Variants in CAMK2D observed in about 807,000 individuals in gnomAD.
CAMK2D encodes calcium/calmodulin dependent protein kinase II delta, also known as calcium/calmodulin-dependent protein kinase type II subunit delta.
CAMK2D carries 37 observed loss-of-function variants against 84.0 expected under a neutral mutation model. The ratio of observed to expected loss-of-function variants is 0.44; its 90% CI spans 0.34 to 0.58. The LOEUF (loss-of-function observed/expected upper bound fraction) is 0.58, where lower values mean the gene tolerates loss of function less well. CAMK2D is among the 20% of genes least tolerant of loss of function. The probability of loss-of-function intolerance (pLI) is 0.02; values close to 1 mark genes in which losing one functional copy is unlikely to be tolerated. For missense variants in CAMK2D, 448 were observed against 652.5 expected, an observed-to-expected ratio of 0.69 and a Z score of 3.41; for synonymous variants, 202 against 212.5, an observed-to-expected ratio of 0.95 and a Z score of 0.43.
chr4:113,507,695 G>A (rs992406542), intron 13 of CAMK2D, among the ~76,000 whole-genome samples: 1 of 152,048 alleles, frequency 6.6e-6, no homozygotes, highest in African/African-American at 2.4e-5. Context: ...ATAATTGTAT[G>A]ATGCACTGAA....
chr4:113,738,160 A>T (rs1236219262), intron 2 of CAMK2D, among the ~76,000 whole-genome samples: 1 of 151,994 alleles, frequency 6.6e-6, no homozygotes, highest in East Asian at 1.9e-4. Context: ...CAGCTTTTAT[A>T]CAGCACAACC....
chr4:113,682,456 T>C lies in CAMK2D; in HGVS notation c.161-20684A>G, dbSNP rs186835772. ...AGAATATTATCATTCACCATTTTTA[T>C]GCATTTCCAAAATTTATAATGAGGA... On this transcript the variant is annotated intron_variant, in intron 2 of 20. Coordinates refer to ENST00000511664, the MANE Select transcript of CAMK2D (RefSeq NM_001321571.2). Among the ~76,000 whole-genome samples, 765 of 152,220 alleles carry C rather than the reference T, an allele frequency of 5.0e-3. 14 individuals are homozygous for C. The highest frequency in any genetic ancestry group is 0.018 in the African/African-American group (738 of 41,580).
At chr4:113,689,018 G>A (rs2099372233) in intron 2 of CAMK2D, among the ~76,000 whole-genome samples, 1 of 151,672 alleles carries the variant, frequency 6.6e-6, no homozygotes, top group East Asian at 1.9e-4. Flanking sequence ...GCCAAGGCGG[G>A]CAGATCACGA....
intron 13 of CAMK2D, among the ~76,000 whole-genome samples, chr4:113,509,186 A>G (rs563989518): frequency 6.6e-6 from 1 of 152,340 alleles, no homozygotes; most frequent in East Asian, 1.9e-4. Flanking sequence ...AAAACTGCCC[A>G]AGCAGATTAA....
At chr4:113,710,948 T>C (rs577330272) in intron 2 of CAMK2D, among the ~76,000 whole-genome samples, 1 of 152,254 alleles carries the variant, frequency 6.6e-6, no homozygotes, top group Non-Finnish European at 1.5e-5. Context: ...GAATGTGTTC[T>C]ACATAATAAA....
intron 2 of CAMK2D, among the ~76,000 whole-genome samples, chr4:113,729,263 GATC>G (rs1000591272): frequency 1.3e-5 from 2 of 151,956 alleles, no homozygotes; most frequent in African/African-American, 4.8e-5. Flanking sequence ...ACATAATTTT[GATC>G]ATGTTATGCC....
chr4:113,484,365 C>T (rs950503559), intron 16 of CAMK2D, among the ~76,000 whole-genome samples: 2 of 152,104 alleles, frequency 1.3e-5, no homozygotes, highest in African/African-American at 4.8e-5. Flanking sequence ...TAATTCCTGT[C>T]AAAGTGCTTG....
chr4:113,696,327 G>A (rs1159166984), intron 2 of CAMK2D, among the ~76,000 whole-genome samples: 1 of 151,886 alleles, frequency 6.6e-6, no homozygotes, highest in African/African-American at 2.4e-5. Context: ...GGACTGAAAT[G>A]TAAGCTCCAT....
At chr4:113,696,458 A>G (rs1426275692) in intron 2 of CAMK2D, among the ~76,000 whole-genome samples, 1 of 152,098 alleles carries the variant, frequency 6.6e-6, no homozygotes, top group Non-Finnish European at 1.5e-5. Flanking sequence ...TTAAGAAGCA[A>G]GAGAGATGAA....
At position 113,759,324 on chromosome 4, in the gene CAMK2D, A is replaced by G; in HGVS notation, c.156T>C (p.Ala52=). Residue 52 remains alanine (A), a synonymous_variant, in exon 2 of 21, where the codon GCT becomes GCC. Coordinates refer to ENST00000511664, the MANE Select transcript of CAMK2D (RefSeq NM_001321571.2). ...AKIINTKKLS[A]RDHQKLEREA... ...TATGTGGTTGAAAATACCCACCCCTAGCAGAAAGCTTTTTGGTGTTGATAA... is the reference window on the plus strand; with the variant it reads ...TATGTGGTTGAAAATACCCACCCCTGGCAGAAAGCTTTTTGGTGTTGATAA... 6.2e-7 allele frequency: 1 copy of G among 1,603,432 alleles called. No individual in the cohort carries two copies. The highest frequency in any genetic ancestry group is 8.5e-7 in the Non-Finnish European group (1 of 1,172,648).
chr4:113,482,587 T>C (rs919316462), intron 16 of CAMK2D, among the ~76,000 whole-genome samples: 1 of 152,124 alleles, frequency 6.6e-6, no homozygotes, highest in African/African-American at 2.4e-5. Context: ...GAAAGAGAAA[T>C]GTTCTTTGGA....
chr4:113,599,853 C>G (rs979506594), intron 4 of CAMK2D, among the ~76,000 whole-genome samples: 3 of 152,146 alleles, frequency 2.0e-5, no homozygotes, highest in Non-Finnish European at 2.9e-5. Flanking sequence ...TTATCCTCAT[C>G]ATCTTCACAT....
rs774914412 is a variant in CAMK2D, at chr4:113,495,547, CCA to C, written c.1135+4914_1135+4915del. Among the ~76,000 whole-genome samples the C allele has an allele frequency of 8.2e-4, 125 of 152,072 alleles. 1 individual carries two copies. The highest frequency in any genetic ancestry group is 1.2e-3 in the Non-Finnish European group (82 of 67,990). On this transcript the variant is annotated intron_variant, in intron 16 of 20. Coordinates refer to ENST00000511664, the MANE Select transcript of CAMK2D (RefSeq NM_001321571.2). ...ACTAATGTACATATTTATAGAAGAC[CCA>C]CACAGAGAGCTCATTAATCAAGTGA... is the stretch of plus-strand genomic sequence containing the variant.
chr4:113,759,306 T>A lies in CAMK2D; in HGVS notation c.160+14A>T. 6.4e-7 allele frequency: 1 copy of A among 1,554,966 alleles called. No individual in the cohort carries two copies. Among genetic ancestry groups the A allele is most frequent in the African/African-American group, 1.4e-5 (1 of 73,804 alleles). On this transcript the variant is annotated intron_variant, in intron 2 of 20. Coordinates refer to ENST00000511664, the MANE Select transcript of CAMK2D (RefSeq NM_001321571.2). ...ATACAAAATTAACCAATATATGTGG[T>A]TGAAAATACCCACCCCTAGCAGAAA...
chr4:113,586,355 C>G (rs2098834197), intron 4 of CAMK2D, among the ~76,000 whole-genome samples: 1 of 152,128 alleles, frequency 6.6e-6, no homozygotes, highest in Non-Finnish European at 1.5e-5. Flanking sequence ...CTGAGACCAG[C>G]TGAATTTGGG....
chr4:113,636,153 T>A (rs1051432768), intron 3 of CAMK2D, among the ~76,000 whole-genome samples: 5 of 152,182 alleles, frequency 3.3e-5, no homozygotes, highest in Admixed American at 2.6e-4. Context: ...CACAACATTC[T>A]ACCTCACTCC....
At chr4:113,666,553 G>T (rs1365182656) in intron 2 of CAMK2D, among the ~76,000 whole-genome samples, 1 of 151,932 alleles carries the variant, frequency 6.6e-6, no homozygotes, top group African/African-American at 2.4e-5. Context: ...GTCAGTTACT[G>T]CCCCTCCCAA....
At chr4:113,544,021 G>A (rs2098550324) in intron 6 of CAMK2D, among the ~76,000 whole-genome samples, 1 of 152,058 alleles carries the variant, frequency 6.6e-6, no homozygotes. Context: ...TCGATCTCCT[G>A]ACCTCATGAT....
intron 3 of CAMK2D, among the ~76,000 whole-genome samples, chr4:113,622,601 C>T (rs1420968547): frequency 6.6e-6 from 1 of 152,154 alleles, no homozygotes; most frequent in African/African-American, 2.4e-5. Context: ...CCCATCTCTA[C>T]AAAACATTTT....
Sources: gnomAD v4.1 joint callset for allele counts (sites outside exome capture counted in the v4.1 genomes callset) on GRCh38, gnomAD v4.1.1 for gene constraint, MANE v1.5 for transcripts, NCBI Gene and HGNC (gene_info 2026-07-23, HGNC 2026-07-21) for gene names.